The following NAALADL2 variants were observed in gnomAD, a reference collection of about 807,000 sequenced individuals.
NAALADL2 encodes N-acetylated alpha-linked acidic dipeptidase like 2, also known as inactive N-acetylated-alpha-linked acidic dipeptidase-like protein 2.
In NAALADL2, 76 loss-of-function variants were observed where a neutral mutation model predicts 87.2. The ratio of observed to expected loss-of-function variants is 0.87; its 90% CI spans 0.72 to 1.05. NAALADL2 has a LOEUF of 1.05. NAALADL2 is among the 50% of genes least tolerant of loss of function. NAALADL2 has a pLI of 0.00. For synonymous variants in NAALADL2, 354 were observed against 331.0 expected, an observed-to-expected ratio of 1.07 and a Z score of -0.75; for missense variants, 1,089 against 945.8, an observed-to-expected ratio of 1.15 and a Z score of -1.99.
At chr3:174,744,270 A>C (rs1223810316) in intron 3 of NAALADL2, among the ~76,000 whole-genome samples, 1 of 151,910 alleles carries the variant, frequency 6.6e-6, no homozygotes, top group Non-Finnish European at 1.5e-5. Context: ...TCCTTTAAAG[A>C]GGGAAAGAGA....
At chr3:174,628,279 G>A (rs1217609072) in intron 2 of NAALADL2, among the ~76,000 whole-genome samples, 1 of 151,564 alleles carries the variant, frequency 6.6e-6, no homozygotes, top group African/African-American at 2.4e-5. Context: ...AGTTTGAGAC[G>A]AGCCTGGCCA....
At chr3:174,732,899 C>A (rs1172633803) in intron 2 of NAALADL2, among the ~76,000 whole-genome samples, 3 of 151,948 alleles carry the variant, frequency 2.0e-5, no homozygotes, top group Admixed American at 1.3e-4. Context: ...ATATGTGGTG[C>A]TTAGGAAAAT....
chr3:175,375,889 T>C (rs1402906990), intron 5 of NAALADL2, among the ~76,000 whole-genome samples: 2 of 152,098 alleles, frequency 1.3e-5, no homozygotes, highest in Non-Finnish European at 2.9e-5. Flanking sequence ...TTTTACCTCC[T>C]CTATTGACAT....
chr3:174,758,450 C>A (rs1031167641), intron 3 of NAALADL2, among the ~76,000 whole-genome samples: 1 of 151,946 alleles, frequency 6.6e-6, no homozygotes, highest in African/African-American at 2.4e-5. Flanking sequence ...GTCATTGTAC[C>A]CTTGGAATAT....
At chr3:175,646,337 A>G (rs899939757) in intron 11 of NAALADL2, among the ~76,000 whole-genome samples, 3 of 152,066 alleles carry the variant, frequency 2.0e-5, no homozygotes, top group African/African-American at 7.2e-5. Context: ...ATATCATTAC[A>G]CTTAACAGAA....
At chr3:174,770,850 A>G (rs1349763920) in intron 3 of NAALADL2, among the ~76,000 whole-genome samples, 1 of 150,644 alleles carries the variant, frequency 6.6e-6, no homozygotes, top group Non-Finnish European at 1.5e-5. Flanking sequence ...GGTCTAACAA[A>G]AAAAAAAAAG....
intron 2 of NAALADL2, among the ~76,000 whole-genome samples, chr3:174,636,650 A>G (rs1722678483): frequency 6.6e-6 from 1 of 152,176 alleles, no homozygotes. Context: ...AAAGTCAGAA[A>G]AAGAACGGAT....
intron 2 of NAALADL2, among the ~76,000 whole-genome samples, chr3:175,152,847 C>A (rs961811083): frequency 1.3e-5 from 2 of 151,834 alleles, no homozygotes; most frequent in South Asian, 4.2e-4. Context: ...GCAGAGGATG[C>A]AGTGAGCTGA....
At chr3:174,589,823 C>A (rs1241617456) in intron 2 of NAALADL2, among the ~76,000 whole-genome samples, 2 of 150,348 alleles carry the variant, frequency 1.3e-5, no homozygotes, top group Non-Finnish European at 3.0e-5. Context: ...GTTTTTTAAA[C>A]CCTTATTAGT....
intron 13 of NAALADL2, among the ~76,000 whole-genome samples, chr3:175,765,483 T>C (rs544496639): frequency 2.0e-5 from 3 of 152,214 alleles, no homozygotes; most frequent in African/African-American, 4.8e-5. Context: ...TACAATTTGA[T>C]TAGACATTTA....
At chr3:174,447,618 C>T (rs1300188660) in intron 1 of NAALADL2, among the ~76,000 whole-genome samples, 1 of 152,004 alleles carries the variant, frequency 6.6e-6, no homozygotes, top group Admixed American at 6.6e-5. Context: ...GAGATTGAGA[C>T]CATTCTGGCT....
chr3:175,676,416 A>G (rs1342265819), intron 11 of NAALADL2: 1 of 152,222 alleles, frequency 6.6e-6, no homozygotes, highest in African/African-American at 2.4e-5. Context: ...TACTCCAGTC[A>G]TATCCCATCC....
At chr3:174,634,028 G>T (rs1722400070) in intron 2 of NAALADL2, among the ~76,000 whole-genome samples, 1 of 152,136 alleles carries the variant, frequency 6.6e-6, no homozygotes, top group African/African-American at 2.4e-5. Flanking sequence ...TTGCTCAGAT[G>T]ATTAAATTAT....
chr3:175,761,750 A>G (rs1417501255), intron 13 of NAALADL2, among the ~76,000 whole-genome samples: 3 of 152,168 alleles, frequency 2.0e-5, no homozygotes, highest in Admixed American at 2.0e-4. Flanking sequence ...CCAATGATAT[A>G]TGATGTTTTG....
chr3:175,251,561 G>T (rs1051933112), intron 3 of NAALADL2, among the ~76,000 whole-genome samples: 5 of 152,186 alleles, frequency 3.3e-5, no homozygotes, highest in Admixed American at 2.0e-4. Flanking sequence ...GTATTTGGTT[G>T]TAAGTTAACA....
intron 1 of NAALADL2, among the ~76,000 whole-genome samples, chr3:174,544,572 T>C (rs1282721446): frequency 6.9e-6 from 1 of 145,664 alleles, no homozygotes; most frequent in Non-Finnish European, 1.5e-5. Context: ...GTTTTCTTTT[T>C]TTTTTTTTTT....
chr3:174,768,741 G>A (rs1714167263), intron 3 of NAALADL2, among the ~76,000 whole-genome samples: 1 of 152,014 alleles, frequency 6.6e-6, no homozygotes, highest in Non-Finnish European at 1.5e-5. Flanking sequence ...TTTTTAAATA[G>A]TTCTTTTAAT....
At chr3:175,290,508 T>C (rs1755520822) in intron 4 of NAALADL2, among the ~76,000 whole-genome samples, 1 of 152,218 alleles carries the variant, frequency 6.6e-6, no homozygotes, top group South Asian at 2.1e-4. Context: ...GGAAATGTTC[T>C]ATACTTTGAC....
intron 2 of NAALADL2, among the ~76,000 whole-genome samples, chr3:174,705,782 C>CAAAAA (rs368457644): frequency 6.1e-5 from 7 of 114,542 alleles, no homozygotes; most frequent in Non-Finnish European, 1.2e-4. Flanking sequence ...GACTCCGTCT[C>CAAAAA]AAAAAAAAAA....
Sources: gnomAD v4.1 joint callset for allele counts (sites outside exome capture counted in the v4.1 genomes callset) on GRCh38, gnomAD v4.1.1 for gene constraint, MANE v1.5 for transcripts, NCBI Gene and HGNC (gene_info 2026-07-23, HGNC 2026-07-21) for gene names.